Variants in ZNF343 observed in about 807,000 individuals in gnomAD.
ZNF343 encodes zinc finger protein 343.
A neutral mutation model predicts 13.8 loss-of-function variants in ZNF343; 11 were observed. The observed-to-expected ratio is 0.80, with a 90% confidence interval of 0.50 to 1.32. The LOEUF (loss-of-function observed/expected upper bound fraction) is 1.32. Ranked by LOEUF, ZNF343 falls within the 40% of genes most tolerant of loss-of-function variation. The pLI is 0.00. For missense variants in ZNF343, 658 were observed against 714.2 expected (o/e 0.92, Z 0.90); for synonymous variants, 248 against 260.0 (o/e 0.95, Z 0.44).
At chr20:2,507,574 C>T (rs1477007331) in intron 1 of ZNF343, among the ~76,000 whole-genome samples, 1 of 152,222 alleles carries the variant, frequency 6.6e-6, no homozygotes, top group Non-Finnish European at 1.5e-5. Context: ...CTCAAATTGA[C>T]AATGCTAGAA....
At position 2,483,537 on chromosome 20, in the gene ZNF343, C is replaced by T. The variant is rs144403061; in HGVS notation, c.1424G>A (p.Ser475Asn). The change falls in exon 6 of 6, where the codon AGT becomes AAT. Residue 475 changes from serine (S) to asparagine (N), a missense_variant. Ser to Asn is a conservative substitution (Grantham distance 46). Coordinates refer to ENST00000278772, the MANE Select transcript of ZNF343 (RefSeq NM_024325.6). ...GTGGACAAGGAGGAGTGATTTCCGA[C>T]TAAAGCCTCGGCCACACTCACCACA... Reference protein sequence around the residue: ...YVCGECGRGFSRKSLLLVHQR... With the variant: ...YVCGECGRGFNRKSLLLVHQR... 350 of 1,613,114 alleles carry T rather than the reference C, an allele frequency of 2.2e-4. No homozygotes were observed. The highest frequency in any genetic ancestry group is 2.6e-4 in the Non-Finnish European group (302 of 1,179,822).
intron 5 of ZNF343, among the ~76,000 whole-genome samples, chr20:2,490,537 G>GTTT (rs67601660): frequency 1.4e-4 from 18 of 124,648 alleles, no homozygotes; most frequent in African/African-American, 3.6e-4. Flanking sequence ...CTTTTTTTTG[G>GTTT]TTTTTGTTTT....
chr20:2,512,782 C>G (rs1464444418), upstream of ZNF343, among the ~76,000 whole-genome samples: 1 of 151,958 alleles, frequency 6.6e-6, no homozygotes, highest in Non-Finnish European at 1.5e-5. Flanking sequence ...AAAGCAGAAG[C>G]AACAAATGGA....
intron 2 of ZNF343, among the ~76,000 whole-genome samples, chr20:2,494,961 C>A (rs140716795): frequency 6.6e-6 from 1 of 152,098 alleles, no homozygotes; most frequent in Non-Finnish European, 1.5e-5. Flanking sequence ...CCTGATGGGC[C>A]CAAGTCAAAG....
At position 2,483,028 on chromosome 20, in the gene ZNF343, G is replaced by T; in HGVS notation, c.*133C>A. On this transcript the variant is annotated 3_prime_UTR_variant, in exon 6 of 6. Coordinates refer to ENST00000278772, the MANE Select transcript of ZNF343 (RefSeq NM_024325.6). ...GTCCCTCCCATGCCTGATAAGGGCT[G>T]ACACATCTCTGGAACTTCACTCACA... is the stretch of plus-strand genomic sequence containing the variant. The T allele has an allele frequency of 1.8e-6, 2 of 1,108,946 alleles. No individual in the cohort carries two copies. Among genetic ancestry groups the T allele is most frequent in the Non-Finnish European group, 2.5e-6 (2 of 788,104 alleles). The allele number at this position is 1,108,946 out of a possible 1,614,324, so 68.7% of individuals were successfully genotyped here. A position where few individuals can be genotyped will look rare whatever the true frequency, so the allele number is the denominator to read the frequency against.
Position 2,493,759 on chromosome 20 carries a change from C to G in ZNF343, c.118+19G>C, listed in dbSNP as rs1360660873. 9 of 1,597,454 alleles carry G rather than the reference C, an allele frequency of 5.6e-6. No homozygotes were observed. Among genetic ancestry groups the G allele is most frequent in the Non-Finnish European group, 7.7e-6 (9 of 1,164,928 alleles). On this transcript the variant is annotated intron_variant, in intron 3 of 5. Transcript: ENST00000278772. ...CTTGGCTTCCTCTTCATCCCTCCGGCTCCCTCAACAATTCTCACCTTTCGC... is the reference window on the plus strand; with the variant it reads ...CTTGGCTTCCTCTTCATCCCTCCGGGTCCCTCAACAATTCTCACCTTTCGC...
rs1006169836 is a variant in ZNF343 at position 2,494,115 on chromosome 20, C to A, written c.-149-71G>T. On this transcript the variant is annotated intron_variant, in intron 2 of 5. Transcript: ENST00000278772. ...GGGCCCTAGGCCTATGCCTCTTCAACAGGGATCCTGTCCTCTCACACCCTC... is the reference window on the plus strand; with the variant it reads ...GGGCCCTAGGCCTATGCCTCTTCAAAAGGGATCCTGTCCTCTCACACCCTC... 3.1e-5 allele frequency: 16 copies of A among 518,552 alleles called. No individual in the cohort carries two copies. In the East Asian group the frequency reaches 5.2e-4, roughly 17 times the overall value. 32.1% of individuals were successfully genotyped at this position (518,552 alleles called of 1,614,324 possible).
At position 2,483,685 on chromosome 20, in the gene ZNF343, T is replaced by C. The variant is rs758781908; in HGVS notation, c.1276A>G (p.Lys426Glu). ...RGFSQNSDLI[K>E]HQRTHLDEKP... ...TCATCCAAGTGTGTCCTCTGGTGTT[T>C]GATGAGATCTGAGTTCTGGCTAAAG... Residue 426 changes from lysine to glutamate, a missense_variant, in exon 6 of 6, where the codon AAA becomes GAA. Physicochemically the swap from Lys to Glu is moderately conservative, Grantham distance 56. Transcript: ENST00000278772. 1.9e-6 allele frequency: 3 copies of C among 1,610,574 alleles called. No homozygotes were observed. The Admixed American group carries it at 5.0e-5, about 27-fold the overall frequency.
chr20:2,505,450 TC>T (rs1486525799), intron 1 of ZNF343, among the ~76,000 whole-genome samples: 5 of 152,074 alleles, frequency 3.3e-5, no homozygotes, highest in African/African-American at 1.2e-4. Flanking sequence ...AAAAACTACT[TC>T]AAAGTTCATA....
chr20:2,494,947 G>A (rs146856823), intron 2 of ZNF343, among the ~76,000 whole-genome samples: 78 of 152,248 alleles, frequency 5.1e-4, no homozygotes, highest in Non-Finnish European at 1.0e-3. Flanking sequence ...GTGCATTTGT[G>A]TATCCTGATG....
chr20:2,486,067 C>T (rs1424418344), intron 5 of ZNF343, among the ~76,000 whole-genome samples: 4 of 152,152 alleles, frequency 2.6e-5, no homozygotes, highest in Non-Finnish European at 4.4e-5. Context: ...GACTGTGATT[C>T]GCTGCCATCT....
chr20:2,515,250 G>T (rs2085754464), intron 1 of ZNF343, among the ~76,000 whole-genome samples: 1 of 152,240 alleles, frequency 6.6e-6, no homozygotes, highest in African/African-American at 2.4e-5. Context: ...CTTATTATTT[G>T]TCAGAGCTAT....
chr20:2,495,825 C>T (rs1355841295), intron 2 of ZNF343, among the ~76,000 whole-genome samples: 1 of 152,050 alleles, frequency 6.6e-6, no homozygotes. Context: ...GGATTACAGG[C>T]ACCTGCCACC....
rs1316232096 is a variant in ZNF343, at chr20:2,484,086, G to A, written c.875C>T (p.Ser292Leu). The A allele has an allele frequency of 9.3e-6, 15 of 1,614,192 alleles. No individual in the cohort carries two copies. Among genetic ancestry groups the A allele is most frequent in the Admixed American group, 3.3e-5 (2 of 60,020 alleles). ...ACTGCACACATAAGGCTTCTCCATC[G>A]AGTGTATACGATGGTGTCTGATGAG... Reference protein sequence around the residue: ...STLIRHHRIHSMEKPYVCSEC... With the variant: ...STLIRHHRIHLMEKPYVCSEC... The change falls in exon 6 of 6, where the codon TCG (serine) becomes TTG (leucine). Residue 292 changes from serine to leucine, a missense_variant. Transcript: ENST00000278772.
At chr20:2,514,720 G>A (rs903376450) in intron 1 of ZNF343, among the ~76,000 whole-genome samples, 4 of 152,138 alleles carry the variant, frequency 2.6e-5, no homozygotes, top group East Asian at 1.9e-4. Flanking sequence ...GGTGGCTCAC[G>A]TCTGTAGTTC....
chr20:2,520,881 A>C (rs2085779418), intron 1 of ZNF343, among the ~76,000 whole-genome samples: 1 of 152,062 alleles, frequency 6.6e-6, no homozygotes, highest in South Asian at 2.1e-4. Flanking sequence ...AAAAATGGGG[A>C]CTTCACTTCT....
intron 2 of ZNF343, among the ~76,000 whole-genome samples, chr20:2,497,445 A>C (rs2085478582): frequency 6.6e-6 from 1 of 152,336 alleles, no homozygotes; most frequent in East Asian, 1.9e-4. Flanking sequence ...GGAGAGGTAC[A>C]TACAGTACTG....
chr20:2,496,311 G>A (rs1433389437), intron 2 of ZNF343, among the ~76,000 whole-genome samples: 1 of 152,186 alleles, frequency 6.6e-6, no homozygotes, highest in African/African-American at 2.4e-5. Flanking sequence ...CCAGCCCATT[G>A]AAGGTCCTAG....
chr20:2,482,778 T>C lies in ZNF343; in HGVS notation c.*383A>G. ...TCCTTCCTGAGGGCCACTCTGTGCC[T>C]GAGTGTCCATTCTTTTACTGATGCT... On this transcript the variant is annotated 3_prime_UTR_variant, in exon 6 of 6. Transcript: ENST00000278772. The C allele has an allele frequency of 4.6e-6, 1 of 217,456 alleles. No homozygotes were observed. The highest frequency in any genetic ancestry group is 1.1e-4 in the East Asian group (1 of 9,470). The allele number at this position is 217,456 out of a possible 1,614,324, so 13.5% of individuals were successfully genotyped here.
Sources: gnomAD v4.1 joint callset for allele counts (sites outside exome capture counted in the v4.1 genomes callset) on GRCh38, gnomAD v4.1.1 for gene constraint, MANE v1.5 for transcripts, NCBI Gene and HGNC (gene_info 2026-07-23, HGNC 2026-07-21) for gene names.